The following DPP6 variants were observed in gnomAD, a reference collection of about 807,000 sequenced individuals.
DPP6 encodes the protein A-type potassium channel modulatory protein DPP6.
In DPP6, 69 loss-of-function variants were observed where a neutral mutation model predicts 122.6. The observed-to-expected ratio is 0.56, with a 90% CI of 0.46 to 0.69. The LOEUF (loss-of-function observed/expected upper bound fraction) is 0.69. DPP6 is among the 30% of genes least tolerant of loss of function. The pLI is 0.00. For missense variants in DPP6, 928 were observed against 1,116.9 expected (o/e 0.83, Z 2.41); for synonymous variants, 418 against 433.1 (o/e 0.97, Z 0.43).
At chr7:153,890,269 A>G (rs748543543) in intron 1 of DPP6, among the ~76,000 whole-genome samples, 5 of 152,232 alleles carry the variant, frequency 3.3e-5, no homozygotes, top group African/African-American at 1.2e-4. Context: ...CTGGACTCGC[A>G]TTTGAGGTTT....
chr7:154,862,799 C>T (rs1803521577), intron 17 of DPP6, among the ~76,000 whole-genome samples: 1 of 152,220 alleles, frequency 6.6e-6, no homozygotes, highest in Non-Finnish European at 1.5e-5. Context: ...CCTACTGGGA[C>T]CCTGCCCTCA....
chr7:154,689,438 G>GT (rs940368874), intron 7 of DPP6, among the ~76,000 whole-genome samples: 14 of 151,772 alleles, frequency 9.2e-5, no homozygotes, highest in East Asian at 1.9e-4. Context: ...GATCATGTGG[G>GT]TTTTTTTTCC....
chr7:153,983,074 G>A (rs1294233744), intron 1 of DPP6, among the ~76,000 whole-genome samples: 1 of 152,226 alleles, frequency 6.6e-6, no homozygotes, highest in Non-Finnish European at 1.5e-5. Flanking sequence ...CTTGAGCGCT[G>A]TGCTGGGAGA....
In DPP6 at chr7:154,803,887, C is replaced by T. The variant is rs1798532163; in HGVS notation, c.1431C>T (p.Ile477=). Residue 477 remains isoleucine (I), a synonymous_variant, in exon 14 of 26, where the codon ATC becomes ATT. Transcript: ENST00000377770. ...SSQPNSSNDN[I]QSITSGDWDV... The stretch of plus-strand genomic sequence containing the variant: ...AGCCCAACAGCAGCAACGACAACAT[C>T]CAGTCCATCACCTCCGGGGACTGGG... 6.2e-7 allele frequency: 1 copy of T among 1,613,884 alleles called. No individual in the cohort carries two copies. Among genetic ancestry groups the T allele is most frequent in the Non-Finnish European group, 8.5e-7 (1 of 1,179,806 alleles).
intron 6 of DPP6, among the ~76,000 whole-genome samples, chr7:154,663,757 A>G (rs1449139687): frequency 1.0e-5 from 1 of 96,158 alleles, no homozygotes; most frequent in Non-Finnish European, 2.3e-5. Flanking sequence ...TAGTGTTCAT[A>G]TAGTCATGGT....
intron 7 of DPP6, among the ~76,000 whole-genome samples, chr7:154,674,774 C>T (rs1217465486): frequency 1.3e-5 from 2 of 152,168 alleles, no homozygotes; most frequent in African/African-American, 4.8e-5. Context: ...GGGGAGAGAG[C>T]TGTCCCCAAG....
intron 16 of DPP6, among the ~76,000 whole-genome samples, chr7:154,837,817 C>G (rs1801206156): frequency 6.6e-6 from 1 of 152,184 alleles, no homozygotes; most frequent in Non-Finnish European, 1.5e-5. Context: ...TATCATTGCT[C>G]ATTTCTTTCC....
At chr7:154,357,034 A>G (rs1481083540) in intron 1 of DPP6, among the ~76,000 whole-genome samples, 5 of 152,230 alleles carry the variant, frequency 3.3e-5, no homozygotes, top group African/African-American at 1.2e-4. Context: ...ACCCACACCT[A>G]GCACATCATA....
chr7:154,222,952 C>T (rs1288180763), intron 1 of DPP6, among the ~76,000 whole-genome samples: 2 of 148,930 alleles, frequency 1.3e-5, no homozygotes, highest in Non-Finnish European at 2.9e-5. Context: ...AGGACCCTGA[C>T]ACCCCTTCCG....
At chr7:154,122,470 G>T (rs201305051) in intron 1 of DPP6, among the ~76,000 whole-genome samples, 765 of 124,900 alleles carry the variant, frequency 6.1e-3, no homozygotes, top group Middle Eastern at 0.033. Flanking sequence ...AAAATAAACC[G>T]AAGTTACTAG....
chr7:154,028,559 G>A (rs28562591), intron 1 of DPP6, among the ~76,000 whole-genome samples: 5,647 of 151,144 alleles, frequency 0.037, 155 homozygotes, highest in African/African-American at 0.13. Flanking sequence ...TCCTCGGTGG[G>A]GCTGACACGC....
intron 1 of DPP6, among the ~76,000 whole-genome samples, chr7:153,943,060 G>T (rs577564301): frequency 6.6e-6 from 1 of 152,148 alleles, no homozygotes; most frequent in Non-Finnish European, 1.5e-5. Flanking sequence ...TCCCCTTTTT[G>T]ACCGTTCTGA....
At chr7:153,844,477 A>G in the DPP6 span, among the ~76,000 whole-genome samples, 1 of 152,246 alleles carries the variant, frequency 6.6e-6, no homozygotes, top group African/African-American at 2.4e-5. Context: ...CAGAGATACA[A>G]AACTCTGGGT....
the DPP6 span, among the ~76,000 whole-genome samples, chr7:153,819,575 C>T: frequency 9.2e-5 from 14 of 152,282 alleles, no homozygotes; most frequent in South Asian, 2.7e-3. Flanking sequence ...CCACACAGTA[C>T]AGGCTTGTTT....
intron 1 of DPP6, among the ~76,000 whole-genome samples, chr7:154,082,429 C>T (rs892717290): frequency 3.9e-5 from 6 of 152,054 alleles, no homozygotes; most frequent in East Asian, 1.9e-4. Context: ...GAGAGGAAAG[C>T]GTGGCTTTTG....
the DPP6 span, among the ~76,000 whole-genome samples, chr7:153,864,212 G>T: frequency 6.6e-6 from 1 of 152,166 alleles, no homozygotes; most frequent in African/African-American, 2.4e-5. Context: ...TAATGTATGG[G>T]TTCGAATTTC....
At chr7:154,449,367 C>T (rs1820155212) in intron 2 of DPP6, among the ~76,000 whole-genome samples, 1 of 152,132 alleles carries the variant, frequency 6.6e-6, no homozygotes, top group Non-Finnish European at 1.5e-5. Context: ...AATCAAATCA[C>T]AATGAAATAC....
intron 1 of DPP6, among the ~76,000 whole-genome samples, chr7:154,432,456 C>T (rs1238071682): frequency 6.6e-6 from 1 of 152,078 alleles, no homozygotes; most frequent in Non-Finnish European, 1.5e-5. Context: ...AAAAAGAGGC[C>T]AGTGTGGGAC....
intron 1 of DPP6, among the ~76,000 whole-genome samples, chr7:154,070,851 G>T (rs1803065344): frequency 6.6e-6 from 1 of 152,116 alleles, no homozygotes; most frequent in Non-Finnish European, 1.5e-5. Context: ...CAGATGAACT[G>T]TATTATATAA....
Sources: gnomAD v4.1 joint callset for allele counts (sites outside exome capture counted in the v4.1 genomes callset) on GRCh38, gnomAD v4.1.1 for gene constraint, MANE v1.5 for transcripts, NCBI Gene and HGNC (gene_info 2026-07-23, HGNC 2026-07-21) for gene names.